Variants in NELL1 observed in about 807,000 individuals in gnomAD.
NELL1 encodes neural EGFL like 1, also known as protein kinase C-binding protein NELL1.
In NELL1, 76 loss-of-function variants were observed where a neutral mutation model predicts 107.4. The ratio of observed to expected loss-of-function variants is 0.71; its 90% confidence interval spans 0.59 to 0.86. The LOEUF is 0.86. NELL1 is among the 40% of genes least tolerant of loss of function. NELL1 has a pLI of 0.00. For missense variants in NELL1, 1,024 were observed against 1,005.5 expected (o/e 1.02, Z -0.25); for synonymous variants, 353 against 341.2 (o/e 1.03, Z -0.38).
chr11:20,701,754 A>G (rs112357351), intron 2 of NELL1, among the ~76,000 whole-genome samples: 65 of 152,250 alleles, frequency 4.3e-4, no homozygotes, highest in African/African-American at 1.5e-3. Context: ...AGCACCATTT[A>G]TTAAATGGGG....
At chr11:21,376,618 G>T in intron 15 of NELL1, among the ~76,000 whole-genome samples, 1 of 151,952 alleles carries the variant, frequency 6.6e-6, no homozygotes, top group African/African-American at 2.4e-5. Context: ...GAAAAACACT[G>T]AATTTTGTAG....
intron 3 of NELL1, among the ~76,000 whole-genome samples, chr11:20,841,019 G>A (rs74767414): frequency 0.014 from 2,117 of 152,060 alleles, 53 homozygotes; most frequent in African/African-American, 0.048. Flanking sequence ...GCCTTTCTTC[G>A]GTTTCATGTT....
intron 15 of NELL1, among the ~76,000 whole-genome samples, chr11:21,423,993 G>T (rs1479829505): frequency 9.2e-5 from 14 of 152,212 alleles, no homozygotes; most frequent in Admixed American, 9.2e-4. Context: ...AAAATTTAGA[G>T]CTATAAATTT....
At chr11:20,755,550 G>GTTTTTTTTTTTTTTT (rs1226891368) in intron 2 of NELL1, among the ~76,000 whole-genome samples, 1 of 114,568 alleles carries the variant, frequency 8.7e-6, no homozygotes, top group African/African-American at 4.5e-5. Flanking sequence ...GTTTTTTTTT[G>GTTTTTTTTTTTTTTT]TTTTTGTTTT....
chr11:21,168,330 T>TA (rs1473096871), intron 13 of NELL1, among the ~76,000 whole-genome samples: 5 of 151,842 alleles, frequency 3.3e-5, no homozygotes, highest in South Asian at 2.1e-4. Flanking sequence ...CCTTTTTTTT[T>TA]ATTGAGTTAA....
intron 14 of NELL1, among the ~76,000 whole-genome samples, chr11:21,245,646 G>A (rs1439200520): frequency 6.6e-6 from 1 of 152,116 alleles, no homozygotes; most frequent in Non-Finnish European, 1.5e-5. Context: ...GGCGTAGGCA[G>A]GCGGACAATG....
At chr11:21,067,396 CA>C (rs1404154691) in intron 12 of NELL1, among the ~76,000 whole-genome samples, 1 of 151,938 alleles carries the variant, frequency 6.6e-6, no homozygotes. Flanking sequence ...AAGTAGTGTT[CA>C]AAAATCTCAC....
chr11:20,755,806 T>C (rs912184895), intron 2 of NELL1, among the ~76,000 whole-genome samples: 1 of 149,664 alleles, frequency 6.7e-6, no homozygotes, highest in African/African-American at 2.5e-5. Context: ...TCCACCCACC[T>C]TGGCATCCCA....
chr11:21,071,872 T>G (rs537846462), intron 12 of NELL1, among the ~76,000 whole-genome samples: 4 of 152,142 alleles, frequency 2.6e-5, no homozygotes, highest in South Asian at 4.1e-4. Context: ...AATGAGAGTA[T>G]CTTTGAGTGA....
Position 20,967,584 on chromosome 11 carries a change from A to C in NELL1, c.1300+7024A>C, listed in dbSNP as rs77685690. Among the ~76,000 whole-genome samples the C allele has an allele frequency of 9.3e-3, 1,412 of 152,226 alleles. 21 individuals are homozygous for C. The highest frequency in any genetic ancestry group is 0.032 in the African/African-American group (1,336 of 41,524). On this transcript the variant is annotated intron_variant, in intron 12 of 19. Coordinates refer to ENST00000357134, the MANE Select transcript of NELL1 (RefSeq NM_006157.5). ...TGATTCCACTCTTTTCTTTATCCCC[A>C]ACATCTGCTACATCAGAAAGTCCTG...
chr11:21,554,111 T>G (rs1856653092), intron 16 of NELL1, among the ~76,000 whole-genome samples: 1 of 151,854 alleles, frequency 6.6e-6, no homozygotes, highest in Non-Finnish European at 1.5e-5. Flanking sequence ...GGATTTTTTA[T>G]TTATTCTCTC....
At chr11:21,151,493 T>G (rs995538251) in intron 13 of NELL1, among the ~76,000 whole-genome samples, 7 of 152,112 alleles carry the variant, frequency 4.6e-5, no homozygotes, top group African/African-American at 1.7e-4. Context: ...CGTGTGTAAA[T>G]TTGAAGTGTA....
chr11:21,267,374 A>C (rs1156342960), intron 14 of NELL1, among the ~76,000 whole-genome samples: 5 of 152,138 alleles, frequency 3.3e-5, no homozygotes, highest in African/African-American at 1.2e-4. Flanking sequence ...GTTTGAATTT[A>C]GTCTTCAAAA....
chr11:20,973,697 A>T (rs1299323366), intron 12 of NELL1, among the ~76,000 whole-genome samples: 1 of 152,204 alleles, frequency 6.6e-6, no homozygotes, highest in African/African-American at 2.4e-5. Context: ...TACAGCTTGC[A>T]CATCTTTATA....
intron 13 of NELL1, among the ~76,000 whole-genome samples, chr11:21,163,855 C>T (rs903012204): frequency 5.3e-5 from 8 of 151,668 alleles, no homozygotes; most frequent in African/African-American, 1.9e-4. Flanking sequence ...GGCCCTGCTA[C>T]CAAATACCAT....
At chr11:21,141,657 T>G (rs552797388) in intron 13 of NELL1, among the ~76,000 whole-genome samples, 20 of 152,288 alleles carry the variant, frequency 1.3e-4, no homozygotes, top group Non-Finnish European at 2.8e-4. Flanking sequence ...AGCAGTAGCT[T>G]AAAGCACAGG....
intron 15 of NELL1, among the ~76,000 whole-genome samples, chr11:21,437,197 A>G (rs1190216965): frequency 6.6e-6 from 1 of 152,198 alleles, no homozygotes; most frequent in Non-Finnish European, 1.5e-5. Context: ...CTGCCCAATG[A>G]TCAAAGTGGA....
At position 20,806,140 on chromosome 11, in the gene NELL1, T is replaced by TTTTAA. The variant is rs761796942; in HGVS notation, c.335+22310_335+22311insTTTAA. 7.4e-4 allele frequency among the ~76,000 whole-genome samples: 112 copies of TTTTAA among 150,862 alleles called. 1 individual carries two copies. Among genetic ancestry groups the TTTTAA allele is most frequent in the Non-Finnish European group, 1.4e-3 (92 of 67,678 alleles). The stretch of plus-strand genomic sequence containing the variant: ...TATTAATGTCCTTTTTTTTTTTTTT[T>TTTTAA]ATCAGATTGAAGAACTCCCTTTAGC... On this transcript the variant is annotated intron_variant, in intron 3 of 19. Transcript: ENST00000357134.
intron 15 of NELL1, among the ~76,000 whole-genome samples, chr11:21,456,469 T>C (rs936496911): frequency 6.6e-6 from 1 of 152,128 alleles, no homozygotes; most frequent in Non-Finnish European, 1.5e-5. Flanking sequence ...CTGTCTGTTT[T>C]CTATAGCCTA....
Sources: gnomAD v4.1 joint callset for allele counts (sites outside exome capture counted in the v4.1 genomes callset) on GRCh38, gnomAD v4.1.1 for gene constraint, MANE v1.5 for transcripts, NCBI Gene and HGNC (gene_info 2026-07-23, HGNC 2026-07-21) for gene names.